The following CBLN2 variants were observed in gnomAD, a reference collection of about 807,000 sequenced individuals.
CBLN2 encodes cerebellin-2.
Under a neutral mutation model 15.0 loss-of-function variants are expected in CBLN2, and 7 were observed. The ratio of observed to expected loss-of-function variants is 0.47; its 90% CI spans 0.27 to 0.88. The LOEUF is 0.88. Ranked by LOEUF, CBLN2 falls within the 40% of genes least tolerant of loss-of-function variation. The probability of loss-of-function intolerance (pLI) is 0.14; values close to 1 mark genes in which losing one functional copy is unlikely to be tolerated. For synonymous variants in CBLN2, 149 were observed against 135.2 expected, an observed-to-expected ratio of 1.10 and a Z score of -0.71; for missense variants, 242 against 304.5, an observed-to-expected ratio of 0.79 and a Z score of 1.53.
intron 1 of CBLN2, among the ~76,000 whole-genome samples, chr18:72,584,154 T>C (rs1297124296): frequency 1.3e-5 from 2 of 152,126 alleles, no homozygotes; most frequent in African/African-American, 4.8e-5. Flanking sequence ...GTCCTGCACA[T>C]AGTCACAGTT....
chr18:72,537,996 T>C lies in CBLN2; in HGVS notation c.*180A>G. ...TAGAGGCCAGGTTCCCGAGGAATTG[T>C]CAGTATTCCAAAAAACAAAAACAAA... On this transcript the variant is annotated 3_prime_UTR_variant, in exon 5 of 5. Coordinates refer to ENST00000269503, the MANE Select transcript of CBLN2 (RefSeq NM_182511.4). 1.6e-6 allele frequency: 1 copy of C among 626,100 alleles called. No individual in the cohort carries two copies. Among genetic ancestry groups the C allele is most frequent in the Non-Finnish European group, 2.8e-6 (1 of 356,736 alleles). The allele number at this position is 626,100 out of a possible 1,614,324, so 38.8% of individuals were successfully genotyped here.
At chr18:72,632,844 G>A (rs1279525235) in intron 1 of CBLN2, among the ~76,000 whole-genome samples, 2 of 152,170 alleles carry the variant, frequency 1.3e-5, no homozygotes, top group African/African-American at 4.8e-5. Flanking sequence ...CCAAAGAGCT[G>A]GTTCTGCTGT....
intron 1 of CBLN2, among the ~76,000 whole-genome samples, chr18:72,576,705 A>G (rs1170018145): frequency 1.3e-5 from 2 of 152,026 alleles, no homozygotes; most frequent in African/African-American, 4.8e-5. Context: ...GAGAGCAGAA[A>G]AATAAATACT....
intron 1 of CBLN2, among the ~76,000 whole-genome samples, chr18:72,600,475 A>G (rs2069540756): frequency 6.6e-6 from 1 of 152,214 alleles, no homozygotes; most frequent in Non-Finnish European, 1.5e-5. Context: ...ATGTGAGACT[A>G]AGTGTAGTTT....
intron 1 of CBLN2, among the ~76,000 whole-genome samples, chr18:72,552,303 C>T (rs1328162168): frequency 1.3e-5 from 2 of 151,896 alleles, no homozygotes; most frequent in Non-Finnish European, 2.9e-5. Context: ...AGGCTGATCT[C>T]GAACTCCTGA....
chr18:72,638,122 T>C (rs1325272122), intron 1 of CBLN2, among the ~76,000 whole-genome samples: 2 of 152,202 alleles, frequency 1.3e-5, no homozygotes, highest in Admixed American at 1.3e-4. Context: ...ACTGAAATAA[T>C]TGGTTTGCAA....
At chr18:72,615,092 T>A (rs1466137727) in intron 1 of CBLN2, among the ~76,000 whole-genome samples, 1 of 135,632 alleles carries the variant, frequency 7.4e-6, no homozygotes, top group African/African-American at 2.8e-5. Flanking sequence ...AAAATATATA[T>A]AAATATATTT....
chr18:72,616,405 G>A (rs985963004), intron 1 of CBLN2, among the ~76,000 whole-genome samples: 3 of 152,032 alleles, frequency 2.0e-5, no homozygotes, highest in Non-Finnish European at 2.9e-5. Context: ...ATAGGAACTC[G>A]CCTTTGGGTC....
At chr18:72,618,966 T>C (rs2069681522) in intron 1 of CBLN2, 1 of 749,572 alleles carries the variant, frequency 1.3e-6, no homozygotes. Context: ...GCCATGGTGA[T>C]GGTGGATATG....
intron 1 of CBLN2, among the ~76,000 whole-genome samples, chr18:72,621,707 T>C (rs549059238): frequency 1.3e-5 from 2 of 152,304 alleles, no homozygotes; most frequent in Non-Finnish European, 2.9e-5. Context: ...AAAGCTCTGG[T>C]AATCTACTAC....
chr18:72,541,255 T>C (rs2144863878), intron 3 of CBLN2, among the ~76,000 whole-genome samples: 1 of 152,296 alleles, frequency 6.6e-6, no homozygotes, highest in Non-Finnish European at 1.5e-5. Flanking sequence ...TTTTGTTTTG[T>C]ATTTATATAT....
At chr18:72,581,092 T>C (rs2069400453) in intron 1 of CBLN2, among the ~76,000 whole-genome samples, 1 of 152,220 alleles carries the variant, frequency 6.6e-6, no homozygotes, top group African/African-American at 2.4e-5. Flanking sequence ...CTACCCTTAG[T>C]AATTTTCTAT....
intron 1 of CBLN2, among the ~76,000 whole-genome samples, chr18:72,555,303 C>T (rs1453324267): frequency 6.6e-6 from 1 of 152,032 alleles, no homozygotes; most frequent in South Asian, 2.1e-4. Context: ...CATCTACTTT[C>T]AATATGTGTT....
intron 1 of CBLN2, among the ~76,000 whole-genome samples, chr18:72,570,050 C>A (rs911541361): frequency 6.6e-6 from 1 of 152,114 alleles, no homozygotes; most frequent in African/African-American, 2.4e-5. Context: ...TGTATACATA[C>A]AATTGATTCT....
Position 72,543,689 on chromosome 18 carries a change from TTA to T in CBLN2, c.-211-161_-211-160del. 2 of 351,970 alleles carry T rather than the reference TTA, an allele frequency of 5.7e-6. No individual in the cohort carries two copies. The highest frequency in any genetic ancestry group is 1.0e-5 in the Non-Finnish European group (2 of 196,294). 21.8% of individuals were successfully genotyped at this position (351,970 alleles called of 1,614,324 possible). ...GGTGCACCACGCCCCGCGCGCCCGC[TTA>T]GGCGCCGCGCCCGGGACCGGGAACC... is the stretch of plus-strand genomic sequence containing the variant. On this transcript the variant is annotated intron_variant, in intron 1 of 4. Transcript: ENST00000269503. This position sits in a 1 kb window ranked among gnomAD's most constrained non-coding sequence, Gnocchi z 6.8.
rs553458535 is a variant in CBLN2 at position 72,538,099 on chromosome 18, A to G, written c.*77T>C. 1.4e-6 allele frequency: 2 copies of G among 1,437,494 alleles called. No homozygotes were observed. The highest frequency in any genetic ancestry group is 1.2e-5 in the South Asian group (1 of 85,892). The allele number at this position is 1,437,494 out of a possible 1,614,324, so 89.0% of individuals were successfully genotyped here. A position where few individuals can be genotyped will look rare whatever the true frequency, so the allele number is the denominator to read the frequency against. Reference sequence around the variant, plus strand: ...GGTTGGAAACAAGGTGTCCAATTCCAGTAAGTTCAGGGTGTTTTAAAGGGC... The same window carrying G: ...GGTTGGAAACAAGGTGTCCAATTCCGGTAAGTTCAGGGTGTTTTAAAGGGC... On this transcript the variant is annotated 3_prime_UTR_variant, in exon 5 of 5. Transcript: ENST00000269503.
At chr18:72,598,933 G>GT (rs2069530199) in intron 1 of CBLN2, among the ~76,000 whole-genome samples, 2 of 152,314 alleles carry the variant, frequency 1.3e-5, no homozygotes, top group South Asian at 4.1e-4. Context: ...GGGAATGAGA[G>GT]AACGGTGTTG....
At chr18:72,578,707 G>C (rs1568122417) in intron 1 of CBLN2, among the ~76,000 whole-genome samples, 1 of 152,122 alleles carries the variant, frequency 6.6e-6, no homozygotes, top group Non-Finnish European at 1.5e-5. Context: ...AATGTGGAAA[G>C]AACTCTCAAT....
intron 1 of CBLN2, among the ~76,000 whole-genome samples, chr18:72,559,321 A>T (rs1211979778): frequency 6.6e-6 from 1 of 152,210 alleles, no homozygotes; most frequent in Non-Finnish European, 1.5e-5. Context: ...ATTTCTCTGT[A>T]GCTGTGGAGT....
Sources: gnomAD v4.1 joint callset for allele counts (sites outside exome capture counted in the v4.1 genomes callset) on GRCh38, gnomAD v4.1.1 for gene constraint, Gnocchi (gnomAD v3.1) non-coding constraint, MANE v1.5 for transcripts, NCBI Gene and HGNC (gene_info 2026-07-23, HGNC 2026-07-21) for gene names.